Variants in CBFA2T2 observed in about 807,000 individuals in gnomAD.
CBFA2T2 encodes the protein protein CBFA2T2.
Under a neutral mutation model 62.2 loss-of-function variants are expected in CBFA2T2, and 11 were observed. The ratio of observed to expected loss-of-function variants is 0.18; its 90% CI spans 0.11 to 0.29. The LOEUF (loss-of-function observed/expected upper bound fraction) is 0.29, where lower values mean the gene tolerates loss of function less well. CBFA2T2 is among the 10% of genes least tolerant of loss of function. The pLI, the probability that CBFA2T2 is intolerant of heterozygous loss-of-function variation, is 1.00. For synonymous variants in CBFA2T2, 295 were observed against 287.5 expected (o/e 1.03, Z -0.27); for missense variants, 592 against 774.1 (o/e 0.76, Z 2.79).
At chr20:33,550,050 C>T (rs935826730) in intron 1 of CBFA2T2, among the ~76,000 whole-genome samples, 2 of 151,850 alleles carry the variant, frequency 1.3e-5, no homozygotes, top group South Asian at 4.2e-4. Context: ...ACAGTTTTTT[C>T]CACATAAAGC....
At chr20:33,502,639 G>A (rs1430425841) in intron 1 of CBFA2T2, among the ~76,000 whole-genome samples, 1 of 151,176 alleles carries the variant, frequency 6.6e-6, no homozygotes, top group Non-Finnish European at 1.5e-5. Context: ...TCCTGACCTT[G>A]TGATCTGCCT....
chr20:33,575,464 T>C (rs2013776889), intron 1 of CBFA2T2, among the ~76,000 whole-genome samples: 1 of 152,230 alleles, frequency 6.6e-6, no homozygotes, highest in Admixed American at 6.5e-5. Flanking sequence ...AAACTGATAA[T>C]CATTCTTCAT....
At chr20:33,551,335 G>C (rs1197913843) in intron 1 of CBFA2T2, among the ~76,000 whole-genome samples, 2 of 151,714 alleles carry the variant, frequency 1.3e-5, no homozygotes, top group Non-Finnish European at 2.9e-5. Flanking sequence ...TCCTGCCTCA[G>C]CCTCCCAAGT....
At position 33,607,010 on chromosome 20, in the gene CBFA2T2, T is replaced by C; in HGVS notation, c.89T>C (p.Ile30Thr). Reference sequence around the variant, plus strand: ...CCTGGATCGCCTGTGGAAGTGAAGATACAGTCCAGATCCTCACCTCCCACC... The same window carrying C: ...CCTGGATCGCCTGTGGAAGTGAAGACACAGTCCAGATCCTCACCTCCCACC... The part of the protein sequence containing the change: ...AMPGSPVEVK[I>T]QSRSSPPTMP... The change falls in exon 2 of 11, where the codon ATA becomes ACA. Residue 30 changes from isoleucine (I) to threonine (T), a missense_variant. Ile to Thr is a moderately conservative substitution (Grantham distance 89, BLOSUM62 -1). Around this residue, in one of 3 missense-constraint regions of CBFA2T2, gnomAD observed 449 missense variants for 551.2 expected, o/e 0.81. Transcript: ENST00000342704. The C allele has an allele frequency of 6.2e-7, 1 of 1,613,988 alleles. No homozygotes were observed. The highest frequency in any genetic ancestry group is 1.1e-5 in the South Asian group (1 of 91,060).
chr20:33,529,912 G>A (rs2012009037), intron 1 of CBFA2T2, among the ~76,000 whole-genome samples: 2 of 151,310 alleles, frequency 1.3e-5, no homozygotes, highest in Non-Finnish European at 2.9e-5. Context: ...AGCCTCCCAA[G>A]TAGCTGGGAT....
chr20:33,642,611 A>T (rs2016898446), intron 10 of CBFA2T2, among the ~76,000 whole-genome samples: 1 of 152,060 alleles, frequency 6.6e-6, no homozygotes, highest in Non-Finnish European at 1.5e-5. Flanking sequence ...TTTAAAAAAA[A>T]AAAGAAAAAA....
intron 2 of CBFA2T2, among the ~76,000 whole-genome samples, chr20:33,610,608 G>GTA (rs1483749315): frequency 6.6e-6 from 1 of 152,172 alleles, no homozygotes; most frequent in African/African-American, 2.4e-5. Context: ...CATTAAATCA[G>GTA]TAGGCCTAAA....
chr20:33,634,213 C>G (rs1334380929), intron 8 of CBFA2T2, among the ~76,000 whole-genome samples: 1 of 152,124 alleles, frequency 6.6e-6, no homozygotes, highest in African/African-American at 2.4e-5. Context: ...GTGATCCACC[C>G]GCCTTGGCCT....
At chr20:33,509,400 G>A (rs1209417428) in intron 1 of CBFA2T2, among the ~76,000 whole-genome samples, 1 of 151,932 alleles carries the variant, frequency 6.6e-6, no homozygotes, top group Non-Finnish European at 1.5e-5. Flanking sequence ...ACGACACACT[G>A]ATTCAGATCC....
rs2015515717 is a variant in CBFA2T2 at position 33,611,216 on chromosome 20, A to T, written c.301A>T (p.Thr101Ser). ...ACTCACAAATCAGCAATTGCCAGCC[A>T]CTTGTGGTGCTCGACAACTCAGCAA... Reference protein sequence around the residue: ...SALTNQQLPATCGARQLSKLK... With the variant: ...SALTNQQLPASCGARQLSKLK... Residue 101 changes from threonine (T) to serine (S), a missense_variant, in exon 3 of 11, where the codon ACT (threonine) becomes TCT (serine). Coordinates refer to ENST00000342704, the MANE Select transcript of CBFA2T2 (RefSeq NM_001032999.3). The T allele has an allele frequency of 2.5e-6, 4 of 1,614,078 alleles. No homozygotes were observed. The highest frequency in any genetic ancestry group is 3.4e-6 in the Non-Finnish European group (4 of 1,179,996).
intron 1 of CBFA2T2, among the ~76,000 whole-genome samples, chr20:33,562,889 A>G (rs898418109): frequency 6.6e-6 from 1 of 152,112 alleles, no homozygotes; most frequent in Non-Finnish European, 1.5e-5. Context: ...GCTTTTTTGA[A>G]TGCAAGGTTT....
intron 2 of CBFA2T2, 118 bp from the exon 3 acceptor site, chr20:33,610,974 CTT>C (rs1396306163): frequency 7.8e-7 from 1 of 1,274,202 alleles, no homozygotes; most frequent in Admixed American, 1.9e-5. Flanking sequence ...TTTTGCATAC[CTT>C]TATAACATGT....
intron 1 of CBFA2T2, among the ~76,000 whole-genome samples, chr20:33,589,390 G>A (rs2014516503): frequency 6.6e-6 from 1 of 152,176 alleles, no homozygotes; most frequent in African/African-American, 2.4e-5. Flanking sequence ...AGTCCTCAAT[G>A]ATTTAGGCCC....
intron 1 of CBFA2T2, among the ~76,000 whole-genome samples, chr20:33,599,163 G>A (rs1228992660): frequency 6.6e-6 from 1 of 152,136 alleles, no homozygotes; most frequent in Admixed American, 6.5e-5. Flanking sequence ...TTGGGAAGCT[G>A]AGGCAGGAGA....
intron 3 of CBFA2T2, among the ~76,000 whole-genome samples, chr20:33,618,029 C>G (rs1409268590): frequency 6.6e-6 from 1 of 152,028 alleles, no homozygotes; most frequent in African/African-American, 2.4e-5. Context: ...TGTTCTGTTT[C>G]TGGTTTTTCA....
intron 1 of CBFA2T2, among the ~76,000 whole-genome samples, chr20:33,505,345 G>C (rs1207131623): frequency 6.6e-6 from 1 of 152,184 alleles, no homozygotes; most frequent in Non-Finnish European, 1.5e-5. Context: ...TACCTGAAAA[G>C]GTGAGAATCA....
intron 1 of CBFA2T2, among the ~76,000 whole-genome samples, chr20:33,560,173 A>G (rs2013036381): frequency 6.6e-6 from 1 of 152,180 alleles, no homozygotes; most frequent in Admixed American, 6.5e-5. Context: ...ATTGTAGGCA[A>G]TTTGATACCG....
chr20:33,636,759 C>A, intron 9 of CBFA2T2, 51 bp downstream of exon 9: 2 of 1,336,072 alleles, frequency 1.5e-6, no homozygotes, highest in Non-Finnish European at 2.1e-6. Context: ...TTTGTGGGAG[C>A]AGAGAACAGA....
chr20:33,491,982 A>G (rs1253472650), intron 1 of CBFA2T2, among the ~76,000 whole-genome samples: 3 of 151,896 alleles, frequency 2.0e-5, no homozygotes, highest in South Asian at 2.1e-4. Flanking sequence ...CCCCAGGTTC[A>G]AGCGATTCTC....
Sources: allele counts gnomAD v4.1 joint callset (sites outside exome capture counted in the v4.1 genomes callset), GRCh38; gene constraint gnomAD v4.1.1; regional missense constraint gnomAD v4.1.1; transcripts MANE v1.5; gene names NCBI Gene and HGNC (gene_info 2026-07-23, HGNC 2026-07-21).